DCC: variants seen among roughly 807,000 people sequenced by gnomAD.
DCC encodes the protein DCC netrin 1 receptor, also known as netrin receptor DCC.
In DCC, 58 loss-of-function variants were observed where a neutral mutation model predicts 172.5. The ratio of observed to expected loss-of-function variants is 0.34; its 90% CI spans 0.27 to 0.42. The LOEUF is 0.42. Ranked by LOEUF, DCC falls within the 10% of genes least tolerant of loss-of-function variation. The pLI, the probability that DCC is intolerant of heterozygous loss-of-function variation, is 1.00. For missense variants in DCC, 1,740 were observed against 1,791.0 expected (o/e 0.97, Z 0.51); for synonymous variants, 709 against 644.5 (o/e 1.10, Z -1.52).
intron 25 of DCC, chr18:53,480,842 A>G (rs1475087465): frequency 6.6e-6 from 1 of 152,190 alleles, no homozygotes; most frequent in Non-Finnish European, 1.5e-5. Context: ...ACATAAAATA[A>G]TTATTGTTTA....
intron 5 of DCC, among the ~76,000 whole-genome samples, chr18:52,931,072 A>T (rs1045018194): frequency 6.6e-6 from 1 of 151,868 alleles, no homozygotes; most frequent in Non-Finnish European, 1.5e-5. Context: ...TCTCTCATGG[A>T]CTTTATATCA....
At chr18:52,382,992 T>C (rs1985649250) in intron 1 of DCC, among the ~76,000 whole-genome samples, 2 of 152,142 alleles carry the variant, frequency 1.3e-5, no homozygotes, top group African/African-American at 4.8e-5. Flanking sequence ...TTCCCTAGTA[T>C]TGTATGATAT....
chr18:53,460,992 A>AT (rs1457925024), intron 24 of DCC, among the ~76,000 whole-genome samples: 1 of 152,202 alleles, frequency 6.6e-6, no homozygotes, highest in Non-Finnish European at 1.5e-5. Flanking sequence ...GTGAGATGAT[A>AT]TCTCATTGTG....
At chr18:52,812,569 A>T (rs1344206358) in intron 2 of DCC, among the ~76,000 whole-genome samples, 1 of 152,230 alleles carries the variant, frequency 6.6e-6, no homozygotes, top group Non-Finnish European at 1.5e-5. Flanking sequence ...TCAATTATTT[A>T]ATCTTAAAAA....
chr18:52,702,231 A>G (rs1028147920), intron 1 of DCC, among the ~76,000 whole-genome samples: 1 of 152,134 alleles, frequency 6.6e-6, no homozygotes, highest in African/African-American at 2.4e-5. Context: ...AGGTTTGCAT[A>G]AACCTATCCA....
intron 1 of DCC, among the ~76,000 whole-genome samples, chr18:52,618,171 G>A (rs886290016): frequency 2.6e-5 from 4 of 151,882 alleles, no homozygotes; most frequent in Non-Finnish European, 4.4e-5. Context: ...ACATTAGAAG[G>A]GAAATTCTCA....
intron 12 of DCC, among the ~76,000 whole-genome samples, chr18:53,222,439 C>T (rs933338032): frequency 5.2e-5 from 7 of 133,842 alleles, no homozygotes; most frequent in African/African-American, 2.0e-4. Flanking sequence ...GGCTGCAGTG[C>T]AGTGGTGTGA....
intron 2 of DCC, among the ~76,000 whole-genome samples, chr18:52,900,733 G>A (rs1375433384): frequency 3.3e-5 from 5 of 152,146 alleles, no homozygotes. Context: ...AAATCTGTAA[G>A]TTGGCTTGTG....
At chr18:53,040,900 G>A (rs928459828) in intron 5 of DCC, among the ~76,000 whole-genome samples, 8 of 151,806 alleles carry the variant, frequency 5.3e-5, no homozygotes, top group African/African-American at 1.9e-4. Context: ...AAAGTTGAAG[G>A]GTGCAGGCAG....
intron 1 of DCC, among the ~76,000 whole-genome samples, chr18:52,542,525 C>T (rs1483507328): frequency 6.6e-6 from 1 of 152,048 alleles, no homozygotes; most frequent in East Asian, 1.9e-4. Context: ...CTTTGGAATT[C>T]TAGTCTAAAA....
rs147416540 is a variant in DCC at position 52,877,265 on chromosome 18, G to A, written c.413-28779G>A. Among the ~76,000 whole-genome samples the A allele has an allele frequency of 1.6e-3, 248 of 152,246 alleles. 1 individual carries two copies. The highest frequency in any genetic ancestry group is 5.7e-3 in the African/African-American group (236 of 41,544). On this transcript the variant is annotated intron_variant, in intron 2 of 28. Coordinates refer to ENST00000442544, the MANE Select transcript of DCC (RefSeq NM_005215.4). Reference sequence around the variant, plus strand: ...CTTACCAAACACCTATTACAAGCCCGTCCCTTGTTGTCACAACTGAAAGTG... The same window carrying A: ...CTTACCAAACACCTATTACAAGCCCATCCCTTGTTGTCACAACTGAAAGTG...
At chr18:52,555,203 G>A (rs1598909990) in intron 1 of DCC, among the ~76,000 whole-genome samples, 1 of 152,088 alleles carries the variant, frequency 6.6e-6, no homozygotes, top group Non-Finnish European at 1.5e-5. Context: ...CAGTCGAAGA[G>A]CAGTGTAGGT....
chr18:52,661,938 A>G (rs2035368126), intron 1 of DCC, among the ~76,000 whole-genome samples: 1 of 152,238 alleles, frequency 6.6e-6, no homozygotes, highest in Admixed American at 6.5e-5. Flanking sequence ...AGTGTTCAGA[A>G]ATTAAAAATT....
chr18:53,322,225 TA>T, intron 14 of DCC, 68 bp downstream of exon 14: 2 of 901,462 alleles, frequency 2.2e-6, no homozygotes, highest in Non-Finnish European at 3.7e-6. Flanking sequence ...AAAGGTCTCT[TA>T]AAAAAGGAAT....
At chr18:52,390,550 C>T (rs1985991456) in intron 1 of DCC, among the ~76,000 whole-genome samples, 1 of 152,034 alleles carries the variant, frequency 6.6e-6, no homozygotes, top group Admixed American at 6.6e-5. Context: ...ACACTATAGT[C>T]ATTTGTGTTT....
intron 1 of DCC, among the ~76,000 whole-genome samples, chr18:52,658,396 C>A (rs535808652): frequency 6.6e-6 from 1 of 152,140 alleles, no homozygotes; most frequent in African/African-American, 2.4e-5. Context: ...ATATACAGGT[C>A]TTTTTTATTT....
intron 2 of DCC, among the ~76,000 whole-genome samples, chr18:52,792,742 A>G (rs1388553069): frequency 1.7e-4 from 1 of 5,940 alleles, no homozygotes; most frequent in African/African-American, 1.2e-3. Context: ...GGCTGAGGCA[A>G]CCATTCCAGT....
At chr18:52,796,259 G>A (rs1371333830) in intron 2 of DCC, among the ~76,000 whole-genome samples, 2 of 151,864 alleles carry the variant, frequency 1.3e-5, no homozygotes, top group African/African-American at 2.4e-5. Context: ...ATTAATAAGT[G>A]AGGACTTACT....
chr18:52,840,618 A>C (rs1265641291), intron 2 of DCC, among the ~76,000 whole-genome samples: 1 of 152,222 alleles, frequency 6.6e-6, no homozygotes, highest in African/African-American at 2.4e-5. Context: ...GACTAAAGTC[A>C]TCATCAGATT....
Sources: gnomAD v4.1 joint callset for allele counts (sites outside exome capture counted in the v4.1 genomes callset) on GRCh38, gnomAD v4.1.1 for gene constraint, MANE v1.5 for transcripts, NCBI Gene and HGNC (gene_info 2026-07-23, HGNC 2026-07-21) for gene names.